PTPRT: variants seen among roughly 807,000 people sequenced by gnomAD.
PTPRT encodes the protein receptor-type tyrosine-protein phosphatase T.
A neutral mutation model predicts 176.8 loss-of-function variants in PTPRT; 56 were observed. The observed-to-expected ratio is 0.32, with a 90% CI of 0.26 to 0.40. The LOEUF (loss-of-function observed/expected upper bound fraction) is 0.40, where lower values mean the gene tolerates loss of function less well. PTPRT is among the 10% of genes least tolerant of loss of function. The pLI is 1.00. For missense variants in PTPRT, 1,540 were observed against 1,908.2 expected, an observed-to-expected ratio of 0.81 and a Z score of 3.60; for synonymous variants, 783 against 739.0, an observed-to-expected ratio of 1.06 and a Z score of -0.96.
intron 7 of PTPRT, among the ~76,000 whole-genome samples, chr20:42,597,217 G>T (rs892158139): frequency 6.6e-6 from 1 of 152,232 alleles, no homozygotes; most frequent in African/African-American, 2.4e-5. Flanking sequence ...CTGACTTCCA[G>T]ACTCTTTTAA....
At chr20:42,653,577 A>G (rs1356441227) in intron 7 of PTPRT, among the ~76,000 whole-genome samples, 1 of 152,242 alleles carries the variant, frequency 6.6e-6, no homozygotes, top group African/African-American at 2.4e-5. Context: ...TCTGATCTTC[A>G]CAGGCCAGTC....
intron 1 of PTPRT, among the ~76,000 whole-genome samples, chr20:43,060,626 T>C (rs1987417701): frequency 6.6e-6 from 1 of 152,230 alleles, no homozygotes; most frequent in South Asian, 2.1e-4. Flanking sequence ...TGCATGGTTA[T>C]TGTGAAGATT....
At chr20:42,154,166 A>G (rs1265500783) in intron 17 of PTPRT, among the ~76,000 whole-genome samples, 1 of 152,126 alleles carries the variant, frequency 6.6e-6, no homozygotes, top group East Asian at 1.9e-4. Flanking sequence ...CCTCCCTAGA[A>G]CCATGCTCAT....
intron 1 of PTPRT, among the ~76,000 whole-genome samples, chr20:42,966,036 A>G (rs1982274129): frequency 6.6e-6 from 1 of 152,254 alleles, no homozygotes; most frequent in Non-Finnish European, 1.5e-5. Flanking sequence ...AAAACTACCC[A>G]GATAGGTCAT....
chr20:42,952,993 C>T (rs1215223193), intron 1 of PTPRT, among the ~76,000 whole-genome samples: 1 of 152,190 alleles, frequency 6.6e-6, no homozygotes, highest in African/African-American at 2.4e-5. Context: ...GCAGCAAAGC[C>T]ATTACCTCCA....
chr20:42,663,735 C>CT (rs933498348), intron 7 of PTPRT, among the ~76,000 whole-genome samples: 9 of 152,002 alleles, frequency 5.9e-5, no homozygotes, highest in East Asian at 1.9e-4. Context: ...TTTGTAGGCT[C>CT]TTTTTTTTAA....
intron 1 of PTPRT, among the ~76,000 whole-genome samples, chr20:42,920,786 A>G (rs537973537): frequency 6.6e-6 from 1 of 152,370 alleles, no homozygotes; most frequent in South Asian, 2.1e-4. Context: ...TTTTCCTTTC[A>G]GAGAGGGGCT....
rs1568773961 is a variant in PTPRT at position 43,083,337 on chromosome 20, T to TGTATATACATATATATATATATAC, written c.88+106308_88+106309insGTATATATATATATATGTATATAC. Among the ~76,000 whole-genome samples, 5 of 105,792 alleles carry TGTATATACATATATATATATATAC rather than the reference T, an allele frequency of 4.7e-5. 1 individual carries two copies. Among genetic ancestry groups the TGTATATACATATATATATATATAC allele is most frequent in the South Asian group, 3.2e-4 (1 of 3,146 alleles). 69.4% of individuals were successfully genotyped at this position (105,792 alleles called of 152,430 possible). On this transcript the variant is annotated intron_variant, in intron 1 of 30. Transcript: ENST00000373187. Reference sequence around the variant, plus strand: ...CTTCAAATGTATATATATATATATATATATATATATATATATATATATATA... The same window carrying TGTATATACATATATATATATATAC: ...CTTCAAATGTATATATATATATATATGTATATACATATATATATATATACATATATATATATATATATATATATA...
At chr20:42,297,356 A>G (rs941734449) in intron 12 of PTPRT, among the ~76,000 whole-genome samples, 3 of 152,238 alleles carry the variant, frequency 2.0e-5, no homozygotes, top group Admixed American at 1.3e-4. Context: ...AAACCTGTAT[A>G]AAGAAAACTT....
At chr20:43,045,691 G>A (rs549961353) in intron 1 of PTPRT, among the ~76,000 whole-genome samples, 5 of 148,038 alleles carry the variant, frequency 3.4e-5, no homozygotes, top group Admixed American at 1.4e-4. Context: ...TCAAACTCCC[G>A]GGCTCAATCA....
chr20:42,300,825 G>C (rs1275358649), intron 12 of PTPRT, among the ~76,000 whole-genome samples: 2 of 150,508 alleles, frequency 1.3e-5, no homozygotes, highest in African/African-American at 4.9e-5. Context: ...GGATGAAATT[G>C]GAAATCATCA....
chr20:42,345,366 T>TACAC (rs35901100), intron 11 of PTPRT, among the ~76,000 whole-genome samples: 6,284 of 134,048 alleles, frequency 0.047, 310 homozygotes, highest in African/African-American at 0.065. Flanking sequence ...AAGGCATATA[T>TACAC]ACACACACAC....
At chr20:42,249,796 C>T (rs2056519095) in intron 13 of PTPRT, among the ~76,000 whole-genome samples, 1 of 152,224 alleles carries the variant, frequency 6.6e-6, no homozygotes. Flanking sequence ...GCAAAGAATG[C>T]CAAGAACCAG....
intron 16 of PTPRT, among the ~76,000 whole-genome samples, chr20:42,179,130 G>T (rs1990414209): frequency 6.6e-6 from 1 of 152,176 alleles, no homozygotes; most frequent in Non-Finnish European, 1.5e-5. Context: ...ATATCATTCT[G>T]CAATGTTTTT....
At chr20:43,004,988 GAC>G (rs1054676534) in intron 1 of PTPRT, among the ~76,000 whole-genome samples, 9 of 152,094 alleles carry the variant, frequency 5.9e-5, no homozygotes, top group African/African-American at 2.2e-4. Context: ...CTTCCTGAAA[GAC>G]AGATCCAAGG....
intron 2 of PTPRT, among the ~76,000 whole-genome samples, chr20:42,860,066 A>C (rs939365467): frequency 2.0e-5 from 3 of 152,204 alleles, no homozygotes; most frequent in African/African-American, 7.2e-5. Context: ...ATTTAACTGA[A>C]ATGCACTGCA....
intron 1 of PTPRT, among the ~76,000 whole-genome samples, chr20:43,048,452 C>T (rs1484330227): frequency 6.6e-6 from 1 of 152,032 alleles, no homozygotes; most frequent in Non-Finnish European, 1.5e-5. Context: ...TTAGACATGG[C>T]CCCATGGCAA....
chr20:43,090,844 A>G (rs1272264071), intron 1 of PTPRT, among the ~76,000 whole-genome samples: 1 of 152,180 alleles, frequency 6.6e-6, no homozygotes, highest in Non-Finnish European at 1.5e-5. Flanking sequence ...GGAAATAATT[A>G]CCAAAAATAT....
At chr20:42,608,670 C>T (rs1344843466) in intron 7 of PTPRT, among the ~76,000 whole-genome samples, 1 of 152,166 alleles carries the variant, frequency 6.6e-6, no homozygotes, top group Non-Finnish European at 1.5e-5. Context: ...AGATTTCTCA[C>T]ACGCCTCGTG....
Sources: allele counts gnomAD v4.1 joint callset (sites outside exome capture counted in the v4.1 genomes callset), GRCh38; gene constraint gnomAD v4.1.1; transcripts MANE v1.5; gene names NCBI Gene and HGNC (gene_info 2026-07-23, HGNC 2026-07-21).